TF: variants seen among roughly 807,000 people sequenced by gnomAD.
TF encodes the protein transferrin.
A neutral mutation model predicts 82.4 loss-of-function variants in TF; 55 were observed. That is an observed-to-expected ratio of 0.67 (90% CI 0.54 to 0.84). The LOEUF (loss-of-function observed/expected upper bound fraction) is 0.84. Ranked by LOEUF, TF falls within the 40% of genes least tolerant of loss-of-function variation. The pLI is 0.00. For synonymous variants in TF, 332 were observed against 332.6 expected (o/e 1.00, Z 0.02); for missense variants, 737 against 868.4 (o/e 0.85, Z 1.90).
the TF span, among the ~76,000 whole-genome samples, chr3:133,716,764 T>C: frequency 6.6e-6 from 1 of 152,194 alleles, no homozygotes; most frequent in Non-Finnish European, 1.5e-5. Flanking sequence ...AAAGTTAAGG[T>C]GCCTCTTTGA....
the TF span, among the ~76,000 whole-genome samples, chr3:133,703,091 T>C: frequency 2.0e-5 from 3 of 152,194 alleles, no homozygotes; most frequent in Admixed American, 2.0e-4. Flanking sequence ...AGTTTCTCAG[T>C]GTTTATATTT....
chr3:133,769,730 C>A (rs1559876719), intron 13 of TF, among the ~76,000 whole-genome samples: 1 of 152,200 alleles, frequency 6.6e-6, no homozygotes, highest in Non-Finnish European at 1.5e-5. Context: ...AAAAGTCCAA[C>A]CCACTCGGCT....
intron 8 of TF, among the ~76,000 whole-genome samples, chr3:133,758,169 C>T (rs949888787): frequency 8.5e-5 from 13 of 152,174 alleles, no homozygotes; most frequent in South Asian, 6.2e-4. Flanking sequence ...TTTAAAATGA[C>T]GTGGGTTGGT....
At chr3:133,757,629 A>G (rs1933872336) in intron 7 of TF, 140 bp from the exon 8 acceptor site, 1 of 777,238 alleles carries the variant, frequency 1.3e-6, no homozygotes, top group Non-Finnish European at 2.2e-6. Flanking sequence ...GGTGAGCAGG[A>G]GCAGGTCCGA....
the TF span, among the ~76,000 whole-genome samples, chr3:133,725,810 T>C: frequency 2.0e-5 from 3 of 152,272 alleles, no homozygotes; most frequent in East Asian, 5.8e-4. Context: ...AGATAGCTCT[T>C]ATTATTTTGA....
At position 133,782,413 on chromosome 3, in the gene TF, G is replaced by T. The variant is rs1011261182; in HGVS notation, c.*3793G>T. On this transcript the variant is annotated 3_prime_UTR_variant, in exon 17 of 17. Transcript: ENST00000402696. ...GCCTGTTGAAGAATGAATGGATAAA[G>T]AAACTGTATACACACACACACACAC... The T allele has an allele frequency of 3.5e-5, 5 of 143,890 alleles. No individual in the cohort carries two copies. The highest frequency in any genetic ancestry group is 7.5e-5 in the Non-Finnish European group (5 of 67,052). The allele number at this position is 143,890 out of a possible 1,614,324, so 8.9% of individuals were successfully genotyped here.
chr3:133,735,025 A>G, the TF span, among the ~76,000 whole-genome samples: 3 of 152,186 alleles, frequency 2.0e-5, no homozygotes, highest in Non-Finnish European at 2.9e-5. Context: ...ACTTTTTTAG[A>G]CAACAAGGGT....
intron 16 of TF, 28 bp downstream of exon 16, chr3:133,777,266 T>C: frequency 6.2e-7 from 1 of 1,605,934 alleles, no homozygotes; most frequent in Non-Finnish European, 8.5e-7. Context: ...CATGGGGAAG[T>C]GGCAACCAAA....
rs1933888888 is a variant in TF at position 133,758,043 on chromosome 3, C to T, written c.1048+97C>T. On this transcript the variant is annotated intron_variant, in intron 8 of 16. Transcript: ENST00000402696. ...AGTCTTTTCAGGGACCTGCACGCCT[C>T]TCCTGATGCTCCTTTTTCTGACCTG... The T allele has an allele frequency of 4.4e-6, 5 of 1,126,576 alleles. No individual in the cohort carries two copies. In the East Asian group the frequency reaches 1.3e-4, roughly 28 times the overall value. The allele number at this position is 1,126,576 out of a possible 1,614,324, so 69.8% of individuals were successfully genotyped here.
At chr3:133,763,751 C>G (rs754835535) in intron 9 of TF, among the ~76,000 whole-genome samples, 3 of 152,238 alleles carry the variant, frequency 2.0e-5, no homozygotes, top group Non-Finnish European at 4.4e-5. Context: ...AAATAGCACT[C>G]AGCCAAGGAG....
At chr3:133,707,768 TC>T in the TF span, 3 of 152,218 alleles carry the variant, frequency 2.0e-5, no homozygotes, top group African/African-American at 7.2e-5. Flanking sequence ...AGTTTGCAGT[TC>T]AACCTAACTC....
chr3:133,680,769 C>T, the TF span, among the ~76,000 whole-genome samples: 2 of 152,196 alleles, frequency 1.3e-5, no homozygotes, highest in South Asian at 4.1e-4. Context: ...ATCTTCTGTA[C>T]TATTTCTTTT....
chr3:133,691,668 G>A, the TF span: 1 of 152,866 alleles, frequency 6.5e-6, no homozygotes, highest in African/African-American at 2.4e-5. Flanking sequence ...AGGGTTAGAG[G>A]AGTCTTTCTC....
At chr3:133,717,116 C>T in the TF span, among the ~76,000 whole-genome samples, 1 of 152,206 alleles carries the variant, frequency 6.6e-6, no homozygotes, top group Non-Finnish European at 1.5e-5. Context: ...TTATTACTCT[C>T]TAGCTTGCTA....
rs1934623298 is a variant in TF at position 133,785,007 on chromosome 3, C to A, written c.*6387C>A. The A allele has an allele frequency of 1.3e-5, 1 of 78,486 alleles. No homozygotes were observed. Among genetic ancestry groups the A allele is most frequent in the African/African-American group, 3.5e-5 (1 of 28,802 alleles). The allele number at this position is 78,486 out of a possible 1,614,324, so 4.9% of individuals were successfully genotyped here. On this transcript the variant is annotated 3_prime_UTR_variant, in exon 17 of 17. Transcript: ENST00000402696. ...TCCGGGAGGGAGGTGGGGGGGTCAG[C>A]CCCCCGCCCGGCCAGCCGCCCCGTC...
the TF span, among the ~76,000 whole-genome samples, chr3:133,728,978 G>A: frequency 6.6e-6 from 1 of 152,194 alleles, no homozygotes; most frequent in African/African-American, 2.4e-5. Context: ...GGATTTTTGT[G>A]AACCGCGAAT....
chr3:133,759,389 A>G (rs1388710483), intron 9 of TF, 60 bp downstream of exon 9: 2 of 1,599,476 alleles, frequency 1.3e-6, no homozygotes, highest in African/African-American at 1.3e-5. Context: ...CTGGCCCCCA[A>G]GACTGAGCTA....
At chr3:133,756,679 T>A in intron 6 of TF, 152 bp from the exon 7 acceptor site, 1 of 966,386 alleles carries the variant, frequency 1.0e-6, no homozygotes, top group Non-Finnish European at 1.6e-6. Context: ...CTGTGGGCTC[T>A]TGAGCGAGTC....
intron 11 of TF, 51 bp downstream of exon 11, chr3:133,764,958 T>C: frequency 6.3e-7 from 1 of 1,582,928 alleles, no homozygotes; most frequent in African/African-American, 1.3e-5. Flanking sequence ...TCCCATTGTT[T>C]TGGGGAATTG....
Sources: gnomAD v4.1 joint callset for allele counts (sites outside exome capture counted in the v4.1 genomes callset) on GRCh38, gnomAD v4.1.1 for gene constraint, MANE v1.5 for transcripts, NCBI Gene and HGNC (gene_info 2026-07-23, HGNC 2026-07-21) for gene names.